The following GPC6 variants were observed in gnomAD, a reference collection of about 807,000 sequenced individuals.
GPC6 encodes glypican 6, also known as glypican-6.
A neutral mutation model predicts 55.2 loss-of-function variants in GPC6; 14 were observed. The ratio of observed to expected loss-of-function variants is 0.25; its 90% CI spans 0.17 to 0.40. The LOEUF is 0.40. Ranked by LOEUF, GPC6 falls within the 10% of genes least tolerant of loss-of-function variation. The pLI is 1.00. For synonymous variants in GPC6, 278 were observed against 259.6 expected (o/e 1.07, Z -0.68); for missense variants, 641 against 708.5 (o/e 0.90, Z 1.08).
intron 1 of GPC6, among the ~76,000 whole-genome samples, chr13:93,500,739 T>A (rs1254340520): frequency 6.6e-6 from 1 of 152,140 alleles, no homozygotes; most frequent in Non-Finnish European, 1.5e-5. Context: ...CATATAATCA[T>A]TTTTTAAGGA....
chr13:94,036,006 A>C (rs1883319747), intron 4 of GPC6, among the ~76,000 whole-genome samples: 1 of 151,590 alleles, frequency 6.6e-6, no homozygotes, highest in Non-Finnish European at 1.5e-5. Flanking sequence ...ATTGTGAACA[A>C]CTCTCTAAGG....
At chr13:93,517,006 T>C (rs1416477233) in intron 1 of GPC6, among the ~76,000 whole-genome samples, 2 of 152,192 alleles carry the variant, frequency 1.3e-5, no homozygotes, top group African/African-American at 4.8e-5. Flanking sequence ...TGTAGCTCTC[T>C]CTTGCTAGAA....
At chr13:93,822,183 G>T (rs1887071857) in intron 2 of GPC6, among the ~76,000 whole-genome samples, 1 of 151,706 alleles carries the variant, frequency 6.6e-6, no homozygotes, top group Non-Finnish European at 1.5e-5. Context: ...AATTAATTAT[G>T]ATTTACACAA....
At chr13:93,311,710 C>T (rs535158452) in intron 1 of GPC6, among the ~76,000 whole-genome samples, 37 of 152,280 alleles carry the variant, frequency 2.4e-4, no homozygotes, top group African/African-American at 8.7e-4. Flanking sequence ...AAAGATATCT[C>T]CTTGACCCCT....
intron 3 of GPC6, among the ~76,000 whole-genome samples, chr13:94,017,223 T>C (rs946243995): frequency 6.6e-6 from 1 of 152,238 alleles, no homozygotes; most frequent in African/African-American, 2.4e-5. Context: ...CCTGTAACTT[T>C]GCTAGATTTA....
chr13:93,462,586 C>G (rs1182537427), intron 1 of GPC6, among the ~76,000 whole-genome samples: 1 of 145,906 alleles, frequency 6.9e-6, no homozygotes, highest in African/African-American at 2.5e-5. Context: ...TGGATTCTAG[C>G]TTCTGTAAAA....
chr13:93,732,799 C>G (rs567092991), intron 2 of GPC6, among the ~76,000 whole-genome samples: 2 of 148,038 alleles, frequency 1.4e-5, no homozygotes, highest in Non-Finnish European at 3.0e-5. Flanking sequence ...TTTCTTGCAG[C>G]TACATTAAAA....
intron 4 of GPC6, among the ~76,000 whole-genome samples, chr13:94,270,446 T>C (rs1891955269): frequency 6.6e-6 from 1 of 152,228 alleles, no homozygotes; most frequent in Non-Finnish European, 1.5e-5. Flanking sequence ...TCTAACTATA[T>C]TGCTATTGAA....
At chr13:93,859,930 A>G (rs925517927) in intron 3 of GPC6, among the ~76,000 whole-genome samples, 6 of 151,530 alleles carry the variant, frequency 4.0e-5, no homozygotes, top group African/African-American at 1.5e-4. Context: ...CAAGGATCTC[A>G]ACGGTCCCAT....
At position 93,597,769 on chromosome 13, in the gene GPC6, T is replaced by A. The variant is rs565388646; in HGVS notation, c.319+52348T>A. 2.0e-5 allele frequency among the ~76,000 whole-genome samples: 3 copies of A among 152,318 alleles called. No individual in the cohort carries two copies. In the East Asian group the frequency reaches 5.8e-4, roughly 29 times the overall value. On this transcript the variant is annotated intron_variant, in intron 2 of 8. Transcript: ENST00000377047. ...TTGTGAAAATATAGTACATATAATT[T>A]TAAAAAGTGTTGATTGTTCGTCTTA...
intron 1 of GPC6, among the ~76,000 whole-genome samples, chr13:93,430,397 A>C (rs1245172116): frequency 2.0e-5 from 3 of 152,138 alleles, no homozygotes; most frequent in Non-Finnish European, 4.4e-5. Flanking sequence ...AATTACTTAC[A>C]TGGGTTACGA....
chr13:93,474,540 G>A (rs997996455), intron 1 of GPC6, among the ~76,000 whole-genome samples: 2 of 152,092 alleles, frequency 1.3e-5, no homozygotes, highest in Non-Finnish European at 2.9e-5. Flanking sequence ...GCCAAGTTTT[G>A]GGAGGGCAGA....
At chr13:93,376,776 CTTTTT>C (rs58608553) in intron 1 of GPC6, among the ~76,000 whole-genome samples, 1 of 139,754 alleles carries the variant, frequency 7.2e-6, no homozygotes, top group African/African-American at 2.6e-5. Context: ...TTCTTGCTCA[CTTTTT>C]TTTTTTTTTT....
intron 2 of GPC6, among the ~76,000 whole-genome samples, chr13:93,580,801 G>A (rs889997623): frequency 1.3e-5 from 2 of 152,116 alleles, no homozygotes; most frequent in Non-Finnish European, 2.9e-5. Flanking sequence ...TCATGGTCAA[G>A]TCAGAGGAGT....
chr13:93,951,016 T>C (rs1879230693), intron 3 of GPC6, among the ~76,000 whole-genome samples: 1 of 152,162 alleles, frequency 6.6e-6, no homozygotes, highest in Non-Finnish European at 1.5e-5. Context: ...AAAGGTCATG[T>C]TGTTTTTTCA....
At chr13:93,380,178 G>A (rs1181439522) in intron 1 of GPC6, among the ~76,000 whole-genome samples, 1 of 152,024 alleles carries the variant, frequency 6.6e-6, no homozygotes, top group Non-Finnish European at 1.5e-5. Flanking sequence ...TATATAGTAA[G>A]TTTTAAATCA....
chr13:93,907,816 C>G (rs1326237475), intron 3 of GPC6, among the ~76,000 whole-genome samples: 3 of 152,090 alleles, frequency 2.0e-5, no homozygotes, highest in Admixed American at 2.0e-4. Flanking sequence ...ATTAGTTATA[C>G]AGTTTTTGTC....
intron 3 of GPC6, among the ~76,000 whole-genome samples, chr13:93,929,406 C>T (rs922640850): frequency 2.0e-5 from 3 of 151,960 alleles, no homozygotes; most frequent in African/African-American, 7.3e-5. Context: ...ATGTTAATGC[C>T]GTCATCCTCA....
chr13:93,506,270 A>C (rs1880709720), intron 1 of GPC6, among the ~76,000 whole-genome samples: 1 of 152,158 alleles, frequency 6.6e-6, no homozygotes, highest in Non-Finnish European at 1.5e-5. Flanking sequence ...GATTTGCAAA[A>C]TTTGAGGGGG....
Sources: gnomAD v4.1 joint callset for allele counts (sites outside exome capture counted in the v4.1 genomes callset) on GRCh38, gnomAD v4.1.1 for gene constraint, MANE v1.5 for transcripts, NCBI Gene and HGNC (gene_info 2026-07-23, HGNC 2026-07-21) for gene names.